Variants in PRKCB observed in about 807,000 individuals in gnomAD.
PRKCB encodes protein kinase C beta.
In PRKCB, 13 loss-of-function variants were observed where a neutral mutation model predicts 81.5. The observed-to-expected ratio is 0.16, with a 90% CI of 0.10 to 0.25. The LOEUF is 0.25. Ranked by LOEUF, PRKCB falls within the 10% of genes least tolerant of loss-of-function variation. The probability of loss-of-function intolerance (pLI) is 1.00; values close to 1 mark genes in which losing one functional copy is unlikely to be tolerated. For synonymous variants in PRKCB, 335 were observed against 321.4 expected (o/e 1.04, Z -0.45); for missense variants, 509 against 875.7 (o/e 0.58, Z 5.29).
At chr16:23,878,759 T>C (rs1002522803) in intron 2 of PRKCB, among the ~76,000 whole-genome samples, 1 of 152,238 alleles carries the variant, frequency 6.6e-6, no homozygotes, top group African/African-American at 2.4e-5. Context: ...CTATAACCCC[T>C]GTTATTAGCT....
chr16:24,072,097 T>C (rs1202682773), intron 5 of PRKCB, among the ~76,000 whole-genome samples: 1 of 151,208 alleles, frequency 6.6e-6, no homozygotes, highest in Non-Finnish European at 1.5e-5. Flanking sequence ...TAAAATGATC[T>C]GTTTTAGAGT....
intron 10 of PRKCB, among the ~76,000 whole-genome samples, chr16:24,159,941 C>T (rs1367188263): frequency 6.6e-6 from 1 of 152,026 alleles, no homozygotes; most frequent in African/African-American, 2.4e-5. Context: ...GCCATGATTG[C>T]ATCACTGCAC....
At chr16:24,003,249 G>T (rs1223426825) in intron 3 of PRKCB, among the ~76,000 whole-genome samples, 1 of 152,028 alleles carries the variant, frequency 6.6e-6, no homozygotes, top group African/African-American at 2.4e-5. Flanking sequence ...TTCCTGCGGG[G>T]CCCCTGACTG....
chr16:24,208,293 C>CA (rs1011034209), intron 16 of PRKCB: 1 of 152,170 alleles, frequency 6.6e-6, no homozygotes, highest in African/African-American at 2.4e-5. Flanking sequence ...CAAAACAAAA[C>CA]AAAAAAGAGA....
At position 23,862,832 on chromosome 16, in the gene PRKCB, G is replaced by C. The variant is rs369638182; in HGVS notation, c.205+25426G>C. Among the ~76,000 whole-genome samples the C allele has an allele frequency of 1.6e-4, 24 of 152,206 alleles. 1 individual carries two copies. In the South Asian group the frequency reaches 4.1e-3, roughly 26 times the overall value. ...ACTTGCTGGGCTGCATTCCCAGAAA[G>C]AAAGGTATTCCTAGCCTCTAGATGT... is the stretch of plus-strand genomic sequence containing the variant. On this transcript the variant is annotated intron_variant, in intron 2 of 16. Coordinates refer to ENST00000643927, the MANE Select transcript of PRKCB (RefSeq NM_002738.7).
intron 2 of PRKCB, among the ~76,000 whole-genome samples, chr16:23,911,825 CA>C (rs1555484129): frequency 0.012 from 1,498 of 125,868 alleles, 27 homozygotes; most frequent in Non-Finnish European, 0.015. Flanking sequence ...GCGCGACCCA[CA>C]TTTTTTTTTT....
At chr16:24,105,265 C>T (rs1044433726) in intron 7 of PRKCB, among the ~76,000 whole-genome samples, 1 of 152,134 alleles carries the variant, frequency 6.6e-6, no homozygotes, top group African/African-American at 2.4e-5. Flanking sequence ...CCATGTTGGC[C>T]AGGCTGGTCT....
intron 2 of PRKCB, among the ~76,000 whole-genome samples, chr16:23,976,470 C>T (rs1286046320): frequency 6.6e-6 from 1 of 152,190 alleles, no homozygotes; most frequent in African/African-American, 2.4e-5. Context: ...CCTGAATCCC[C>T]ACTGTGGCCC....
At chr16:24,150,131 G>A (rs1410985833) in intron 9 of PRKCB, among the ~76,000 whole-genome samples, 1 of 152,166 alleles carries the variant, frequency 6.6e-6, no homozygotes, top group Admixed American at 6.5e-5. Flanking sequence ...TGGAGTTTGA[G>A]AACAGCTGGG....
intron 3 of PRKCB, among the ~76,000 whole-genome samples, chr16:24,020,984 C>CTT (rs1491272180): frequency 1.8e-5 from 2 of 110,436 alleles, no homozygotes; most frequent in South Asian, 3.2e-4. Flanking sequence ...CTTTTTCTTT[C>CTT]TTTCTTTCTT....
intron 5 of PRKCB, among the ~76,000 whole-genome samples, chr16:24,080,879 A>G (rs947457201): frequency 2.6e-5 from 4 of 152,220 alleles, no homozygotes; most frequent in Non-Finnish European, 5.9e-5. Context: ...TTCTACCAAC[A>G]CTTAAAGATG....
rs556611765 is a variant in PRKCB at position 24,208,927 on chromosome 16, C to G, written c.1864-5731C>G. 2.6e-5 allele frequency among the ~76,000 whole-genome samples: 4 copies of G among 152,278 alleles called. No individual in the cohort carries two copies. The South Asian group carries it at 8.3e-4, about 32-fold the overall frequency. ...ATCACGCTCCCTCTGTATCGCACCC[C>G]CTTGGTTAATCCCTGTTCTTGTGTC... On this transcript the variant is annotated intron_variant, in intron 16 of 16. Coordinates refer to ENST00000643927, the MANE Select transcript of PRKCB (RefSeq NM_002738.7).
At chr16:24,120,238 A>G (rs1966783954) in intron 8 of PRKCB, among the ~76,000 whole-genome samples, 1 of 152,090 alleles carries the variant, frequency 6.6e-6, no homozygotes, top group Non-Finnish European at 1.5e-5. Flanking sequence ...AGGGTGATGG[A>G]AATGTTCCGC....
At chr16:24,117,408 G>A (rs1253016346) in intron 8 of PRKCB, among the ~76,000 whole-genome samples, 1 of 152,190 alleles carries the variant, frequency 6.6e-6, no homozygotes, top group Non-Finnish European at 1.5e-5. Flanking sequence ...ATGGCGCACA[G>A]TGGGATTTCT....
chr16:23,940,555 A>G (rs975399287), intron 2 of PRKCB, among the ~76,000 whole-genome samples: 7 of 152,116 alleles, frequency 4.6e-5, no homozygotes, highest in African/African-American at 1.7e-4. Context: ...AGTCCTGGAA[A>G]ACAGAACAAA....
intron 12 of PRKCB, among the ~76,000 whole-genome samples, chr16:24,177,869 C>T (rs1027381240): frequency 3.3e-5 from 5 of 152,062 alleles, no homozygotes; most frequent in African/African-American, 1.2e-4. Flanking sequence ...CCCCAATATC[C>T]TTTGATGAAT....
chr16:23,890,952 A>T (rs1022497091), intron 2 of PRKCB, among the ~76,000 whole-genome samples: 1 of 151,956 alleles, frequency 6.6e-6, no homozygotes, highest in African/African-American at 2.4e-5. Flanking sequence ...TTATATATGT[A>T]TGTATGCCTA....
chr16:24,217,304 G>T lies in PRKCB; in HGVS notation c.*2488G>T. The T allele has an allele frequency of 1.0e-6, 1 of 985,376 alleles. No individual in the cohort carries two copies. Among genetic ancestry groups the T allele is most frequent in the Non-Finnish European group, 1.2e-6 (1 of 829,910 alleles). 61.0% of individuals were successfully genotyped at this position (985,376 alleles called of 1,614,324 possible). ...AGTCTGTTTTAGAGAAACTTTCCAT[G>T]GAAAGTCAGAATTTCTACCACTTCC... On this transcript the variant is annotated 3_prime_UTR_variant, in exon 17 of 17. Coordinates refer to ENST00000643927, the MANE Select transcript of PRKCB (RefSeq NM_002738.7).
At chr16:23,965,223 T>G (rs1232676894) in intron 2 of PRKCB, among the ~76,000 whole-genome samples, 1 of 152,246 alleles carries the variant, frequency 6.6e-6, no homozygotes, top group Non-Finnish European at 1.5e-5. Context: ...TAGCTCCCAC[T>G]TATAAGTGAG....
Sources: allele counts gnomAD v4.1 joint callset (sites outside exome capture counted in the v4.1 genomes callset), GRCh38; gene constraint gnomAD v4.1.1; transcripts MANE v1.5; gene names NCBI Gene and HGNC (gene_info 2026-07-23, HGNC 2026-07-21).